PDE4D: variants seen among roughly 807,000 people sequenced by gnomAD.
PDE4D encodes phosphodiesterase 4D, also known as 3',5'-cyclic-AMP phosphodiesterase 4D.
A neutral mutation model predicts 87.4 loss-of-function variants in PDE4D; 24 were observed. That is an observed-to-expected ratio of 0.27 (90% confidence interval 0.20 to 0.39). The LOEUF (loss-of-function observed/expected upper bound fraction) is 0.39. Among genes scored for constraint, PDE4D ranks in the 10% least tolerant of loss-of-function variants. The pLI, the probability that PDE4D is intolerant of heterozygous loss-of-function variation, is 1.00. For missense variants in PDE4D, 714 were observed against 1,041.0 expected (o/e 0.69, Z 4.32); for synonymous variants, 384 against 383.2 (o/e 1.00, Z -0.02).
At chr5:59,072,341 C>A (rs1764987194) in intron 5 of PDE4D, among the ~76,000 whole-genome samples, 1 of 152,152 alleles carries the variant, frequency 6.6e-6, no homozygotes. Flanking sequence ...ATTCATTCAA[C>A]AAATATTTGA....
At chr5:59,362,162 A>G (rs984913028) in intron 1 of PDE4D, among the ~76,000 whole-genome samples, 1 of 152,180 alleles carries the variant, frequency 6.6e-6, no homozygotes, top group Admixed American at 6.5e-5. Context: ...TTATATAAAA[A>G]CATTCTGAAA....
At chr5:60,276,554 C>T (rs1446555936) in intron 1 of PDE4D, among the ~76,000 whole-genome samples, 1 of 152,140 alleles carries the variant, frequency 6.6e-6, no homozygotes, top group Admixed American at 6.5e-5. Context: ...CTACTCAAAC[C>T]TTGTTCAAAT....
At chr5:59,218,146 C>T (rs552942544) in intron 1 of PDE4D, 41 of 287,708 alleles carry the variant, frequency 1.4e-4, no homozygotes, top group African/African-American at 8.8e-4. Flanking sequence ...GGCAGCTTTT[C>T]AGCATGAGGA....
At chr5:59,310,187 C>G (rs1034837784) in intron 1 of PDE4D, among the ~76,000 whole-genome samples, 1 of 152,158 alleles carries the variant, frequency 6.6e-6, no homozygotes, top group African/African-American at 2.4e-5. Flanking sequence ...GACTGGAGAC[C>G]TTCATTTCCT....
chr5:60,430,520 TTTTG>T (rs1482158143), intron 1 of PDE4D, among the ~76,000 whole-genome samples: 43 of 140,076 alleles, frequency 3.1e-4, no homozygotes, highest in African/African-American at 1.1e-3. Context: ...AACCTTTCTT[TTTTG>T]TTTGTGTTTT....
intron 1 of PDE4D, among the ~76,000 whole-genome samples, chr5:59,333,024 T>C (rs979056737): frequency 2.6e-5 from 4 of 152,216 alleles, no homozygotes; most frequent in African/African-American, 9.6e-5. Flanking sequence ...GTTCAAGCTA[T>C]TGTGAGTCCA....
At chr5:59,929,109 A>C (rs191005384) in intron 3 of PDE4D, among the ~76,000 whole-genome samples, 220 of 152,006 alleles carry the variant, frequency 1.4e-3, no homozygotes, top group African/African-American at 4.7e-3. Flanking sequence ...GTCTCTCTCT[A>C]TATATAATTT....
In PDE4D at chr5:60,217,564, T is replaced by A. The variant is rs1206244210; in HGVS notation, c.-89-31877A>T. On this transcript the variant is annotated intron_variant, in intron 1 of 16. Coordinates refer to the PDE4D transcript ENST00000502484. Reference sequence around the variant, plus strand: ...ACAATCACAGAAAATAGTGATAAATTAGACTTCCTTAAAATTAATAACTTA... The same window carrying A: ...ACAATCACAGAAAATAGTGATAAATAAGACTTCCTTAAAATTAATAACTTA... Among the ~76,000 whole-genome samples the A allele has an allele frequency of 2.6e-5, 4 of 151,876 alleles. No individual in the cohort carries two copies. In the East Asian group the frequency reaches 7.7e-4, roughly 29 times the overall value.
intron 1 of PDE4D, among the ~76,000 whole-genome samples, chr5:59,609,977 C>A (rs1191893918): frequency 6.6e-6 from 1 of 152,100 alleles, no homozygotes; most frequent in Non-Finnish European, 1.5e-5. Context: ...TGTTGGCTTC[C>A]CCTGAGAGAG....
At chr5:59,974,426 C>T (rs1018413699) in intron 3 of PDE4D, among the ~76,000 whole-genome samples, 8 of 152,018 alleles carry the variant, frequency 5.3e-5, no homozygotes, top group Non-Finnish European at 1.5e-5. Flanking sequence ...AAATCAGATC[C>T]TTCTCCATAC....
chr5:58,999,482 G>A (rs1395088559), intron 6 of PDE4D: 5 of 1,485,262 alleles, frequency 3.4e-6, no homozygotes, highest in Non-Finnish European at 3.7e-6. Context: ...AGCTAAGTAA[G>A]TCTTACCTTT....
chr5:59,375,704 C>T (rs1202221783), intron 1 of PDE4D, among the ~76,000 whole-genome samples: 10 of 152,140 alleles, frequency 6.6e-5, no homozygotes, highest in Admixed American at 5.9e-4. Context: ...CAGCATCTTC[C>T]TGAGACAAAT....
chr5:60,329,713 A>G (rs928515761), intron 1 of PDE4D, among the ~76,000 whole-genome samples: 1 of 151,874 alleles, frequency 6.6e-6, no homozygotes, highest in Non-Finnish European at 1.5e-5. Flanking sequence ...TCTGAAAAAG[A>G]CCTATCTAAA....
intron 1 of PDE4D, among the ~76,000 whole-genome samples, chr5:60,321,150 A>G (rs1471945278): frequency 6.6e-6 from 1 of 152,156 alleles, no homozygotes; most frequent in Admixed American, 6.5e-5. Flanking sequence ...ACTTCAAACT[A>G]TACAAGTCAA....
At chr5:59,460,587 T>C (rs920285845) in intron 1 of PDE4D, among the ~76,000 whole-genome samples, 12 of 152,158 alleles carry the variant, frequency 7.9e-5, no homozygotes, top group African/African-American at 2.9e-4. Context: ...ATGCTAACAG[T>C]TGGCAGTGTC....
At chr5:59,132,862 C>T (rs780528361) in intron 5 of PDE4D, among the ~76,000 whole-genome samples, 5 of 152,154 alleles carry the variant, frequency 3.3e-5, no homozygotes, top group African/African-American at 4.8e-5. Context: ...TGAATGTGTT[C>T]AGTCTGATTT....
intron 1 of PDE4D, among the ~76,000 whole-genome samples, chr5:59,533,024 G>C (rs1160604169): frequency 6.6e-6 from 1 of 152,144 alleles, no homozygotes; most frequent in Non-Finnish European, 1.5e-5. Flanking sequence ...GTACTGCAGT[G>C]GTGCAGAAGA....
chr5:60,130,459 T>C (rs16890523), intron 2 of PDE4D, among the ~76,000 whole-genome samples: 21,474 of 152,132 alleles, frequency 0.14, 1,568 homozygotes, highest in Middle Eastern at 0.22. Context: ...TTGACAGTCT[T>C]TGTAGATGAG....
intron 1 of PDE4D, among the ~76,000 whole-genome samples, chr5:60,427,362 A>G (rs1743813746): frequency 6.6e-6 from 1 of 152,208 alleles, no homozygotes; most frequent in Non-Finnish European, 1.5e-5. Flanking sequence ...TCATGGGCTT[A>G]TGAGAAACAG....
Sources: gnomAD v4.1 joint callset for allele counts (sites outside exome capture counted in the v4.1 genomes callset) on GRCh38, gnomAD v4.1.1 for gene constraint, MANE v1.5 for transcripts, NCBI Gene and HGNC (gene_info 2026-07-23, HGNC 2026-07-21) for gene names.